ROBO1: variants seen among roughly 807,000 people sequenced by gnomAD.
The protein encoded by ROBO1 is roundabout guidance receptor 1, also known as roundabout homolog 1.
ROBO1 carries 149 observed loss-of-function variants against 195.9 expected under a neutral mutation model. That is an observed-to-expected ratio of 0.76 (90% CI 0.67 to 0.87). The LOEUF (loss-of-function observed/expected upper bound fraction) is 0.87. Ranked by LOEUF, ROBO1 falls within the 40% of genes least tolerant of loss-of-function variation. The probability of loss-of-function intolerance (pLI) is 0.00; values close to 1 mark genes in which losing one functional copy is unlikely to be tolerated. For synonymous variants in ROBO1, 816 were observed against 733.2 expected (o/e 1.11, Z -1.82); for missense variants, 1,933 against 2,068.3 (o/e 0.93, Z 1.27).
chr3:79,753,268 G>T (rs936374886), intron 1 of ROBO1, among the ~76,000 whole-genome samples: 3 of 150,992 alleles, frequency 2.0e-5, no homozygotes, highest in African/African-American at 7.3e-5. Context: ...AATGATTGGG[G>T]TGCAAACTGG....
At chr3:78,784,270 C>T (rs2083765415) in intron 4 of ROBO1, among the ~76,000 whole-genome samples, 2 of 152,066 alleles carry the variant, frequency 1.3e-5, no homozygotes, top group South Asian at 4.1e-4. Flanking sequence ...TAATTATTAA[C>T]TGTTATAATT....
At chr3:79,706,512 T>C (rs1947774142) in intron 1 of ROBO1, among the ~76,000 whole-genome samples, 1 of 152,136 alleles carries the variant, frequency 6.6e-6, no homozygotes, top group African/African-American at 2.4e-5. Flanking sequence ...GTAATAGATA[T>C]GGTTTGGCTG....
intron 4 of ROBO1, among the ~76,000 whole-genome samples, chr3:78,847,604 C>T (rs1290476661): frequency 2.0e-5 from 3 of 152,100 alleles, no homozygotes; most frequent in Non-Finnish European, 2.9e-5. Flanking sequence ...CACCTTCCTT[C>T]GAAGGACTTC....
chr3:78,843,461 C>A (rs2033424093), intron 4 of ROBO1, among the ~76,000 whole-genome samples: 2 of 151,928 alleles, frequency 1.3e-5, no homozygotes, highest in Admixed American at 6.6e-5. Flanking sequence ...TTTAAATATA[C>A]TTCAATTCTC....
chr3:78,829,933 A>G (rs921080187), intron 4 of ROBO1, among the ~76,000 whole-genome samples: 7 of 152,142 alleles, frequency 4.6e-5, no homozygotes, highest in African/African-American at 1.7e-4. Flanking sequence ...AAAACAGAGA[A>G]ATTGGGCAGG....
At chr3:79,190,432 C>T (rs940603889) in intron 2 of ROBO1, among the ~76,000 whole-genome samples, 1 of 151,482 alleles carries the variant, frequency 6.6e-6, no homozygotes, top group African/African-American at 2.4e-5. Context: ...TCTTATTGAA[C>T]AGTACACAGG....
chr3:79,360,294 A>AT (rs1163460998), intron 2 of ROBO1, among the ~76,000 whole-genome samples: 1 of 151,984 alleles, frequency 6.6e-6, no homozygotes, highest in Non-Finnish European at 1.5e-5. Flanking sequence ...TCAAATGATG[A>AT]TTTTTTATAA....
chr3:78,754,843 A>G (rs2082887813), intron 4 of ROBO1, among the ~76,000 whole-genome samples: 1 of 152,198 alleles, frequency 6.6e-6, no homozygotes, highest in Non-Finnish European at 1.5e-5. Context: ...TAAGGAAGTA[A>G]CAGTTAAGGT....
intron 3 of ROBO1, chr3:79,018,950 G>C: frequency 1.0e-6 from 1 of 988,550 alleles, no homozygotes; most frequent in Non-Finnish European, 1.2e-6. Context: ...CGGGCCACCC[G>C]CGGCGGCGGC....
intron 1 of ROBO1, among the ~76,000 whole-genome samples, chr3:79,760,110 A>C (rs1704606558): frequency 1.3e-5 from 2 of 151,408 alleles, no homozygotes; most frequent in African/African-American, 4.9e-5. Flanking sequence ...GGTGGTGTGC[A>C]TCTGTAGTCC....
intron 2 of ROBO1, among the ~76,000 whole-genome samples, chr3:79,363,599 A>G (rs1175183290): frequency 1.3e-4 from 20 of 152,322 alleles, no homozygotes; most frequent in Non-Finnish European, 1.3e-4. Flanking sequence ...AACTCTTTGC[A>G]AAGAAAGATA....
At chr3:79,525,300 T>C (rs1941381459) in intron 2 of ROBO1, among the ~76,000 whole-genome samples, 3 of 149,962 alleles carry the variant, frequency 2.0e-5, no homozygotes, top group Non-Finnish European at 4.4e-5. Flanking sequence ...GTAATACATA[T>C]ATCTAATATA....
At chr3:78,765,946 A>T (rs1017933225) in intron 4 of ROBO1, among the ~76,000 whole-genome samples, 3 of 152,176 alleles carry the variant, frequency 2.0e-5, no homozygotes, top group African/African-American at 7.2e-5. Flanking sequence ...TTGTACAGAA[A>T]TTCCCAGTGA....
At chr3:78,885,998 A>T (rs759262618) in intron 4 of ROBO1, among the ~76,000 whole-genome samples, 1 of 148,328 alleles carries the variant, frequency 6.7e-6, no homozygotes, top group Non-Finnish European at 1.5e-5. Context: ...AATATTACCT[A>T]TACATGAACA....
At chr3:78,693,457 T>G in intron 8 of ROBO1, 1 of 875,300 alleles carries the variant, frequency 1.1e-6, no homozygotes, top group Non-Finnish European at 1.8e-6. Context: ...TGATTCTTCT[T>G]TTAAGATAAA....
At chr3:78,787,453 C>T (rs1339865957) in intron 4 of ROBO1, among the ~76,000 whole-genome samples, 4 of 151,922 alleles carry the variant, frequency 2.6e-5, no homozygotes, top group Non-Finnish European at 1.5e-5. Flanking sequence ...AGCAAGATGT[C>T]GATGATTTAT....
Position 79,247,644 on chromosome 3 carries a change from C to A in ROBO1, c.89-122105G>T, listed in dbSNP as rs923698425. Among the ~76,000 whole-genome samples the A allele has an allele frequency of 3.3e-5, 5 of 151,966 alleles. No individual in the cohort carries two copies. In the South Asian group the frequency reaches 8.3e-4, roughly 25 times the overall value. On this transcript the variant is annotated intron_variant, in intron 2 of 30. Coordinates refer to ENST00000464233, the MANE Select transcript of ROBO1 (RefSeq NM_002941.4). ...CTTTTCAGCTGCTGATCATAAATAG[C>A]CTAAAATCTCATTTCAAGCTTCAGT...
chr3:79,486,235 A>C (rs1559933598), intron 2 of ROBO1, among the ~76,000 whole-genome samples: 1 of 151,784 alleles, frequency 6.6e-6, no homozygotes, highest in Non-Finnish European at 1.5e-5. Flanking sequence ...ATATTGTATT[A>C]TTTTTTATAG....
At chr3:79,302,117 A>C (rs182496285) in intron 2 of ROBO1, among the ~76,000 whole-genome samples, 17 of 152,330 alleles carry the variant, frequency 1.1e-4, no homozygotes, top group Admixed American at 1.0e-3. Flanking sequence ...ACGAAATTCC[A>C]GGAACTGAAT....
Sources: allele counts gnomAD v4.1 joint callset (sites outside exome capture counted in the v4.1 genomes callset), GRCh38; gene constraint gnomAD v4.1.1; transcripts MANE v1.5; gene names NCBI Gene and HGNC (gene_info 2026-07-23, HGNC 2026-07-21).